STRBP: variants seen among roughly 807,000 people sequenced by gnomAD.
STRBP encodes spermatid perinuclear RNA binding protein, also known as spermatid perinuclear RNA-binding protein.
A neutral mutation model predicts 80.1 loss-of-function variants in STRBP; 13 were observed. The observed-to-expected ratio is 0.16, with a 90% CI of 0.11 to 0.26. The LOEUF is 0.26. Among genes scored for constraint, STRBP ranks in the 10% least tolerant of loss-of-function variants. The pLI is 1.00. For synonymous variants in STRBP, 284 were observed against 291.2 expected, an observed-to-expected ratio of 0.98 and a Z score of 0.25; for missense variants, 485 against 815.2, an observed-to-expected ratio of 0.59 and a Z score of 4.93.
At chr9:123,154,583 C>T (rs2037199101) in intron 11 of STRBP, among the ~76,000 whole-genome samples, 1 of 152,100 alleles carries the variant, frequency 6.6e-6, no homozygotes, top group African/African-American at 2.4e-5. Context: ...ATTTTTTAAA[C>T]TGTATTTTTT....
chr9:123,192,953 G>A (rs775319910), intron 2 of STRBP, among the ~76,000 whole-genome samples: 3 of 152,050 alleles, frequency 2.0e-5, no homozygotes, highest in Non-Finnish European at 4.4e-5. Context: ...CAGTCAACAC[G>A]GGAATAATGA....
At chr9:123,155,379 G>C (rs1793459015) in intron 11 of STRBP, among the ~76,000 whole-genome samples, 1 of 152,154 alleles carries the variant, frequency 6.6e-6, no homozygotes, top group African/African-American at 2.4e-5. Context: ...AAACAGTCAA[G>C]ACGGCTGTTC....
chr9:123,226,660 G>A (rs1173921748), intron 2 of STRBP, among the ~76,000 whole-genome samples: 1 of 151,808 alleles, frequency 6.6e-6, no homozygotes, highest in East Asian at 1.9e-4. Context: ...AATATATCTT[G>A]AATGGTTACT....
chr9:123,251,204 C>CT (rs1352297519), intron 1 of STRBP, among the ~76,000 whole-genome samples: 1 of 151,282 alleles, frequency 6.6e-6, no homozygotes, highest in Non-Finnish European at 1.5e-5. Flanking sequence ...CTTTTCTTTT[C>CT]TTTCTTTCTT....
At chr9:123,180,129 G>A (rs2038392275) in intron 3 of STRBP, among the ~76,000 whole-genome samples, 1 of 152,082 alleles carries the variant, frequency 6.6e-6, no homozygotes, top group Non-Finnish European at 1.5e-5. Context: ...GGTAGCAGGT[G>A]CCTATAGTCC....
At chr9:123,182,806 G>C (rs147215845) in intron 3 of STRBP, among the ~76,000 whole-genome samples, 1 of 151,960 alleles carries the variant, frequency 6.6e-6, no homozygotes, top group Non-Finnish European at 1.5e-5. Flanking sequence ...GAGCCAAGGC[G>C]TTCCAGACCA....
rs201645621 is a variant in STRBP, at chr9:123,169,891, T to TATATAC, written c.535+10_535+11insGTATAT. On this transcript the variant is annotated intron_variant, in intron 6 of 18. Coordinates refer to ENST00000348403, the MANE Select transcript of STRBP (RefSeq NM_018387.5). ...ATATATACATATATATATATATATA[T>TATATAC]ACATGTGTACCTCCATCCTTCTTCT... 1.8e-4 allele frequency: 255 copies of TATATAC among 1,415,498 alleles called. 1 individual carries two copies. Among genetic ancestry groups the TATATAC allele is most frequent in the Admixed American group, 2.3e-4 (8 of 35,094 alleles). The allele number at this position is 1,415,498 out of a possible 1,614,324, so 87.7% of individuals were successfully genotyped here.
At chr9:123,185,340 G>A (rs1441694413) in intron 2 of STRBP, among the ~76,000 whole-genome samples, 1 of 152,166 alleles carries the variant, frequency 6.6e-6, no homozygotes, top group East Asian at 1.9e-4. Flanking sequence ...GCCAAGACGG[G>A]AGGATTGCTT....
intron 1 of STRBP, among the ~76,000 whole-genome samples, chr9:123,265,341 G>A (rs775525299): frequency 1.3e-5 from 2 of 151,916 alleles, no homozygotes; most frequent in Non-Finnish European, 2.9e-5. Context: ...TTCCTAAATC[G>A]ACAAAAGAAG....
downstream of STRBP, chr9:123,121,519 T>C (rs146186273): frequency 6.6e-6 from 1 of 152,334 alleles, no homozygotes; most frequent in East Asian, 1.9e-4. Flanking sequence ...AGACTCGATA[T>C]TCACCACCCG....
chr9:123,225,958 T>C (rs2040222758), intron 2 of STRBP, among the ~76,000 whole-genome samples: 1 of 152,208 alleles, frequency 6.6e-6, no homozygotes, highest in Non-Finnish European at 1.5e-5. Flanking sequence ...CCCAAGGTAT[T>C]TGCCCAACAG....
chr9:123,128,451 TCACCATGGCCTA>T (rs2035987486), intron 17 of STRBP, among the ~76,000 whole-genome samples, 193 bp from the exon 18 acceptor site: 1 of 152,150 alleles, frequency 6.6e-6, no homozygotes. Context: ...TGGGAGCTCC[TCACCATGGCCTA>T]CAAGGCTCTC....
At chr9:123,180,205 C>T (rs1283363754) in intron 3 of STRBP, among the ~76,000 whole-genome samples, 2 of 152,050 alleles carry the variant, frequency 1.3e-5, no homozygotes, top group East Asian at 3.9e-4. Flanking sequence ...AAGTGAGCTA[C>T]CACTATGTCA....
intron 13 of STRBP, among the ~76,000 whole-genome samples, chr9:123,141,095 G>A (rs2036573065): frequency 6.6e-6 from 1 of 152,122 alleles, no homozygotes; most frequent in African/African-American, 2.4e-5. Flanking sequence ...TTTCTTTATA[G>A]TAACAACTGT....
At chr9:123,267,752 T>C in intron 1 of STRBP, among the ~76,000 whole-genome samples, 1 of 101,314 alleles carries the variant, frequency 9.9e-6, no homozygotes, top group African/African-American at 3.9e-5. Flanking sequence ...TCCCTGCCCC[T>C]GGCACGCAGC....
chr9:123,196,960 C>T (rs1313221632), intron 2 of STRBP, among the ~76,000 whole-genome samples: 1 of 152,098 alleles, frequency 6.6e-6, no homozygotes, highest in Non-Finnish European at 1.5e-5. Context: ...GCACTATTAA[C>T]AATAGCCAAG....
At chr9:123,242,443 G>A (rs557369716) in intron 1 of STRBP, among the ~76,000 whole-genome samples, 1 of 152,276 alleles carries the variant, frequency 6.6e-6, no homozygotes, top group African/African-American at 2.4e-5. Flanking sequence ...CAGATCACTT[G>A]AGGCCAGGAG....
intron 13 of STRBP, among the ~76,000 whole-genome samples, chr9:123,144,473 G>A (rs561558195): frequency 6.2e-4 from 95 of 152,068 alleles, no homozygotes; most frequent in African/African-American, 2.0e-3. Flanking sequence ...AAATAGCCCC[G>A]CATCAATTCA....
chr9:123,245,474 C>T (rs1355017049), intron 1 of STRBP, among the ~76,000 whole-genome samples: 1 of 152,222 alleles, frequency 6.6e-6, no homozygotes. Context: ...ACTGCAAGCT[C>T]CGCCTCCCCG....
Sources: gnomAD v4.1 joint callset for allele counts (sites outside exome capture counted in the v4.1 genomes callset) on GRCh38, gnomAD v4.1.1 for gene constraint, MANE v1.5 for transcripts, NCBI Gene and HGNC (gene_info 2026-07-23, HGNC 2026-07-21) for gene names.